Variants in HCRTR2 observed in about 807,000 individuals in gnomAD.
HCRTR2 encodes the protein hypocretin receptor 2, also known as orexin receptor type 2.
HCRTR2 carries 22 observed loss-of-function variants against 49.0 expected under a neutral mutation model. That is an observed-to-expected ratio of 0.45 (90% CI 0.32 to 0.64). HCRTR2 has a LOEUF of 0.64. Among genes scored for constraint, HCRTR2 ranks in the 30% least tolerant of loss-of-function variants. The pLI is 0.04. For missense variants in HCRTR2, 491 were observed against 559.4 expected, an observed-to-expected ratio of 0.88 and a Z score of 1.23; for synonymous variants, 236 against 205.3, an observed-to-expected ratio of 1.15 and a Z score of -1.28.
chr6:55,243,604 C>A (rs746876774), intron 1 of HCRTR2, among the ~76,000 whole-genome samples: 15 of 152,032 alleles, frequency 9.9e-5, no homozygotes, highest in Non-Finnish European at 1.8e-4. Flanking sequence ...TATACCATAC[C>A]AATGGCAGCA....
chr6:55,134,617 C>G lies in HCRTR2; in HGVS notation c.-378+28072C>G, dbSNP rs537049289. Among the ~76,000 whole-genome samples, 238 of 152,000 alleles carry G rather than the reference C, an allele frequency of 1.6e-3. 1 individual carries two copies. The Middle Eastern group carries it at 0.027, about 17-fold the overall frequency. On this transcript the variant is annotated intron_variant, in intron 1 of 7. Coordinates refer to the HCRTR2 transcript ENST00000615358. ...AGAGTGTGTATCTTTTGACCAACAT[C>G]TCCCCATTTTCTCCACTGCCCTCCC...
At chr6:55,144,451 C>T (rs1431405202) in intron 1 of HCRTR2, among the ~76,000 whole-genome samples, 2 of 152,110 alleles carry the variant, frequency 1.3e-5, no homozygotes, top group Non-Finnish European at 2.9e-5. Context: ...GACTCATCTT[C>T]TACGCGTCAT....
chr6:55,247,710 T>G (rs1188082839), intron 1 of HCRTR2, among the ~76,000 whole-genome samples: 1 of 152,124 alleles, frequency 6.6e-6, no homozygotes, highest in Non-Finnish European at 1.5e-5. Flanking sequence ...GGGTGTTCTT[T>G]CAGTAAAGAG....
intron 1 of HCRTR2, among the ~76,000 whole-genome samples, chr6:55,243,605 A>C (rs1173343750): frequency 6.6e-6 from 1 of 152,136 alleles, no homozygotes; most frequent in African/African-American, 2.4e-5. Flanking sequence ...ATACCATACC[A>C]ATGGCAGCAA....
intron 1 of HCRTR2, among the ~76,000 whole-genome samples, chr6:55,230,095 C>T (rs1308568081): frequency 6.6e-6 from 1 of 152,122 alleles, no homozygotes; most frequent in East Asian, 1.9e-4. Flanking sequence ...ACTCTCATGC[C>T]TTAATTATAG....
intron 1 of HCRTR2, among the ~76,000 whole-genome samples, chr6:55,191,210 C>T (rs1765309807): frequency 6.6e-6 from 1 of 152,126 alleles, no homozygotes; most frequent in African/African-American, 2.4e-5. Context: ...TTAGTGCGTA[C>T]ATTGGTGTAA....
intron 1 of HCRTR2, among the ~76,000 whole-genome samples, chr6:55,214,831 T>C (rs969902388): frequency 6.6e-6 from 1 of 151,800 alleles, no homozygotes; most frequent in Non-Finnish European, 1.5e-5. Flanking sequence ...AGTTTAATAC[T>C]AGATTTGAAC....
intron 1 of HCRTR2, among the ~76,000 whole-genome samples, chr6:55,131,706 T>A (rs1471100344): frequency 6.6e-6 from 1 of 151,818 alleles, no homozygotes; most frequent in Non-Finnish European, 1.5e-5. Context: ...GTTTTAGATG[T>A]GCTAAGAATA....
intron 1 of HCRTR2, among the ~76,000 whole-genome samples, chr6:55,221,612 G>A (rs748341978): frequency 6.6e-6 from 1 of 152,080 alleles, no homozygotes; most frequent in African/African-American, 2.4e-5. Context: ...AGAAGATCGA[G>A]ACCATCCTGG....
intron 1 of HCRTR2, among the ~76,000 whole-genome samples, chr6:55,126,383 G>T (rs1266390775): frequency 1.3e-5 from 2 of 152,154 alleles, no homozygotes; most frequent in East Asian, 3.9e-4. Flanking sequence ...GCTGGACTTT[G>T]CTGGAGGTCC....
chr6:55,254,409 A>G (rs979788413), intron 2 of HCRTR2, among the ~76,000 whole-genome samples: 7 of 152,130 alleles, frequency 4.6e-5, no homozygotes, highest in Non-Finnish European at 1.5e-5. Flanking sequence ...ATTTCCTTAA[A>G]GTGTCAAGTT....
chr6:55,202,675 C>G (rs974805028), intron 1 of HCRTR2, among the ~76,000 whole-genome samples: 4 of 152,126 alleles, frequency 2.6e-5, no homozygotes, highest in African/African-American at 9.7e-5. Flanking sequence ...TAATCTCGTT[C>G]ATGAAGGCTC....
rs117193341 is a variant in HCRTR2 at position 55,257,362 on chromosome 6, T to C, written c.646+1983T>C. Among the ~76,000 whole-genome samples, 130 of 152,264 alleles carry C rather than the reference T, an allele frequency of 8.5e-4. 1 individual carries two copies. The East Asian group carries it at 0.024, about 28-fold the overall frequency. On this transcript the variant is annotated intron_variant, in intron 3 of 6. Transcript: ENST00000370862. ...TGAAGCAAATAGGTACATTTAAATC[T>C]AAAGCTTCCAACTTGTAAGTTGGGA...
chr6:55,230,504 C>T (rs954093785), intron 1 of HCRTR2, among the ~76,000 whole-genome samples: 1 of 152,080 alleles, frequency 6.6e-6, no homozygotes, highest in Non-Finnish European at 1.5e-5. Flanking sequence ...ATTGTTTCCC[C>T]TGAATTGAAG....
chr6:55,134,285 C>T (rs1764403488), intron 1 of HCRTR2, among the ~76,000 whole-genome samples: 2 of 151,744 alleles, frequency 1.3e-5, no homozygotes, highest in South Asian at 4.1e-4. Context: ...TCAAGCAAAA[C>T]AGAACACAGT....
At chr6:55,227,738 G>A (rs7774031) in intron 1 of HCRTR2, among the ~76,000 whole-genome samples, 68,301 of 151,888 alleles carry the variant, frequency 0.45, 16,359 homozygotes, top group South Asian at 0.57. Context: ...TACTTGGCGG[G>A]GGGAAAGGGG....
intron 4 of HCRTR2, among the ~76,000 whole-genome samples, chr6:55,275,038 A>C: frequency 6.6e-6 from 1 of 152,110 alleles, no homozygotes; most frequent in East Asian, 1.9e-4. Context: ...GGCTTTGTCC[A>C]TTTCATGTAA....
intron 1 of HCRTR2, among the ~76,000 whole-genome samples, chr6:55,129,552 C>T (rs1048599907): frequency 6.6e-6 from 1 of 152,070 alleles, no homozygotes; most frequent in African/African-American, 2.4e-5. Context: ...TAGAAATTTA[C>T]AAGTTATTCC....
intron 5 of HCRTR2, 44 bp downstream of exon 5, chr6:55,277,644 CTTGA>C: frequency 7.8e-7 from 1 of 1,285,622 alleles, no homozygotes. Context: ...CCTGCCTTTT[CTTGA>C]TTCTTAATTA....
Sources: allele counts gnomAD v4.1 joint callset (sites outside exome capture counted in the v4.1 genomes callset), GRCh38; gene constraint gnomAD v4.1.1; transcripts MANE v1.5; gene names NCBI Gene and HGNC (gene_info 2026-07-23, HGNC 2026-07-21).